POU6F2: variants seen among roughly 807,000 people sequenced by gnomAD.
POU6F2 encodes the protein POU class 6 homeobox 2.
POU6F2 carries 31 observed loss-of-function variants against 71.3 expected under a neutral mutation model. The ratio of observed to expected loss-of-function variants is 0.43; its 90% confidence interval spans 0.33 to 0.59. The LOEUF is 0.59. Among genes scored for constraint, POU6F2 ranks in the 20% least tolerant of loss-of-function variants. The pLI is 0.04. For synonymous variants in POU6F2, 347 were observed against 355.7 expected (o/e 0.98, Z 0.27); for missense variants, 783 against 856.8 (o/e 0.91, Z 1.07).
intron 6 of POU6F2, among the ~76,000 whole-genome samples, chr7:39,407,760 T>C (rs1787467269): frequency 6.6e-6 from 1 of 152,164 alleles, no homozygotes; most frequent in Non-Finnish European, 1.5e-5. Context: ...TAAACAAAGA[T>C]GCATTATAAG....
At chr7:39,420,499 G>A (rs548050762) in intron 6 of POU6F2, among the ~76,000 whole-genome samples, 20 of 152,290 alleles carry the variant, frequency 1.3e-4, no homozygotes, top group Middle Eastern at 3.4e-3. Flanking sequence ...AGTATCTATG[G>A]TTTTGCACAT....
intron 7 of POU6F2, among the ~76,000 whole-genome samples, chr7:39,442,560 C>T (rs1390212097): frequency 2.6e-5 from 4 of 152,188 alleles, no homozygotes; most frequent in African/African-American, 9.7e-5. Flanking sequence ...TTCTTCCCCC[C>T]ATCTCTCAGC....
chr7:39,379,996 A>C (rs892562259), intron 5 of POU6F2, among the ~76,000 whole-genome samples: 5 of 152,204 alleles, frequency 3.3e-5, no homozygotes, highest in African/African-American at 1.2e-4. Context: ...GATTGAGCCC[A>C]TTCATTTCAT....
At chr7:39,458,505 C>T (rs1034621730) in intron 8 of POU6F2, among the ~76,000 whole-genome samples, 1 of 152,060 alleles carries the variant, frequency 6.6e-6, no homozygotes, top group Non-Finnish European at 1.5e-5. Flanking sequence ...ACTGCGACTG[C>T]CGAAGTGAGC....
rs565556190 is a variant in POU6F2, at chr7:39,465,110, C to G, written c.*424C>G. The G allele has an allele frequency of 5.7e-4, 96 of 168,232 alleles. 2 individuals are homozygous for G. In the Middle Eastern group the frequency reaches 9.2e-3, roughly 16 times the overall value. 10.4% of individuals were successfully genotyped at this position (168,232 alleles called of 1,614,324 possible). ...AAACCAAAAACCAACAACGAAGGAACAAAAACTTTGATCTGTTCAAAGCGA... is the reference window on the plus strand; with the variant it reads ...AAACCAAAAACCAACAACGAAGGAAGAAAAACTTTGATCTGTTCAAAGCGA... On this transcript the variant is annotated 3_prime_UTR_variant, in exon 10 of 10. Coordinates refer to ENST00000518318, the MANE Select transcript of POU6F2 (RefSeq NM_001370959.1).
rs1785408171 is a variant in POU6F2, at chr7:39,322,078, G to A, written c.599-17564G>A. ...TTTCTATAAACTGTTTGAAATTAGT[G>A]TTAAATGTTCTCATTCATTGTGAGT... is the stretch of plus-strand genomic sequence containing the variant. On this transcript the variant is annotated intron_variant, in intron 4 of 9. Coordinates refer to ENST00000518318, the MANE Select transcript of POU6F2 (RefSeq NM_001370959.1). Among the ~76,000 whole-genome samples, 4 of 152,150 alleles carry A rather than the reference G, an allele frequency of 2.6e-5. No homozygotes were observed. The South Asian group carries it at 8.3e-4, about 31-fold the overall frequency.
In POU6F2 at chr7:39,379,322, A is replaced by G. The variant is rs577392871; in HGVS notation, c.973-27278A>G. 2.6e-5 allele frequency among the ~76,000 whole-genome samples: 4 copies of G among 152,246 alleles called. No individual in the cohort carries two copies. The East Asian group carries it at 7.7e-4, about 29-fold the overall frequency. ...TCTTCTGGTGGAAAGATATTTTACT[A>G]TATTACTCTTCCTCCAGCAATCAAT... is the stretch of plus-strand genomic sequence containing the variant. On this transcript the variant is annotated intron_variant, in intron 5 of 9. Transcript: ENST00000518318.
chr7:39,175,411 C>T (rs1313579674), intron 2 of POU6F2, among the ~76,000 whole-genome samples: 2 of 152,090 alleles, frequency 1.3e-5, no homozygotes, highest in African/African-American at 4.8e-5. Flanking sequence ...AGAGGTACTA[C>T]TAGTAATTAT....
chr7:39,289,694 A>G (rs915365833), intron 4 of POU6F2, among the ~76,000 whole-genome samples: 1 of 152,248 alleles, frequency 6.6e-6, no homozygotes, highest in Non-Finnish European at 1.5e-5. Flanking sequence ...GTTTTCTCCA[A>G]TAATCTGAAT....
intron 4 of POU6F2, among the ~76,000 whole-genome samples, chr7:39,274,369 A>G (rs1169431170): frequency 2.0e-5 from 3 of 151,332 alleles, no homozygotes; most frequent in Non-Finnish European, 4.4e-5. Flanking sequence ...GAATCTCTGA[A>G]TAGACCAATA....
At chr7:39,428,428 A>T (rs1170776551) in intron 6 of POU6F2, among the ~76,000 whole-genome samples, 17 of 152,228 alleles carry the variant, frequency 1.1e-4, no homozygotes, top group Admixed American at 1.1e-3. Context: ...TTTTTCAGAG[A>T]TGAATCACCA....
At chr7:39,144,573 G>A (rs1792575816) in intron 2 of POU6F2, among the ~76,000 whole-genome samples, 1 of 152,180 alleles carries the variant, frequency 6.6e-6, no homozygotes, top group South Asian at 2.1e-4. Flanking sequence ...AGAACTACTT[G>A]TAAGTTCAAG....
intron 6 of POU6F2, among the ~76,000 whole-genome samples, chr7:39,410,381 C>T (rs984259314): frequency 6.6e-6 from 1 of 152,134 alleles, no homozygotes; most frequent in Admixed American, 6.5e-5. Context: ...TTATATAGTA[C>T]CCAACTCCAC....
intron 2 of POU6F2, among the ~76,000 whole-genome samples, chr7:39,183,188 T>G (rs1349118338): frequency 6.6e-6 from 1 of 152,162 alleles, no homozygotes; most frequent in Non-Finnish European, 1.5e-5. Context: ...GTGCACTCCT[T>G]ATGAGAATCT....
At chr7:39,091,907 C>T (rs779052349) in intron 2 of POU6F2, among the ~76,000 whole-genome samples, 24 of 152,274 alleles carry the variant, frequency 1.6e-4, no homozygotes, top group Admixed American at 7.2e-4. Context: ...CTTTGATTGA[C>T]GACCTTGCTG....
intron 2 of POU6F2, among the ~76,000 whole-genome samples, chr7:39,150,932 G>A (rs370478059): frequency 1.3e-5 from 2 of 151,954 alleles, no homozygotes; most frequent in South Asian, 2.1e-4. Flanking sequence ...GATGTTGAGC[G>A]CCTTTATATG....
chr7:39,028,986 C>T (rs561748514), intron 1 of POU6F2, among the ~76,000 whole-genome samples: 1 of 152,086 alleles, frequency 6.6e-6, no homozygotes, highest in East Asian at 1.9e-4. Context: ...AGCCACCAGG[C>T]CTGGCTATTA....
At chr7:38,998,838 T>TTTTTTTTTTTTTG (rs869182741) in intron 1 of POU6F2, among the ~76,000 whole-genome samples, 10 of 141,328 alleles carry the variant, frequency 7.1e-5, no homozygotes, top group Admixed American at 1.4e-4. Context: ...TTTTTTTTTT[T>TTTTTTTTTTTTTG]TATTTTCAGT....
intron 5 of POU6F2, among the ~76,000 whole-genome samples, chr7:39,377,233 C>T (rs914291034): frequency 1.3e-5 from 2 of 151,806 alleles, no homozygotes; most frequent in East Asian, 1.9e-4. Context: ...CGGGTTCAAG[C>T]GATTCTCCTG....
Sources: gnomAD v4.1 joint callset for allele counts (sites outside exome capture counted in the v4.1 genomes callset) on GRCh38, gnomAD v4.1.1 for gene constraint, MANE v1.5 for transcripts, NCBI Gene and HGNC (gene_info 2026-07-23, HGNC 2026-07-21) for gene names.